The following CSMD3 variants were observed in gnomAD, a reference collection of about 807,000 sequenced individuals.
The protein encoded by CSMD3 is CUB and sushi domain-containing protein 3.
A neutral mutation model predicts 435.2 loss-of-function variants in CSMD3; 177 were observed. The ratio of observed to expected loss-of-function variants is 0.41; its 90% CI spans 0.36 to 0.46. The LOEUF is 0.46. Ranked by LOEUF, CSMD3 falls within the 20% of genes least tolerant of loss-of-function variation. The pLI, the probability that CSMD3 is intolerant of heterozygous loss-of-function variation, is 0.34. For missense variants in CSMD3, 4,265 were observed against 4,504.6 expected, an observed-to-expected ratio of 0.95 and a Z score of 1.52; for synonymous variants, 1,656 against 1,520.5, an observed-to-expected ratio of 1.09 and a Z score of -2.07.
chr8:112,462,293 A>C (rs370030166), intron 32 of CSMD3, among the ~76,000 whole-genome samples: 1 of 152,240 alleles, frequency 6.6e-6, no homozygotes, highest in Non-Finnish European at 1.5e-5. Flanking sequence ...GGTAAAATGA[A>C]GCAAAAACTA....
At chr8:112,458,153 A>T (rs1346919373) in intron 32 of CSMD3, among the ~76,000 whole-genome samples, 1 of 151,730 alleles carries the variant, frequency 6.6e-6, no homozygotes, top group South Asian at 2.1e-4. Context: ...CAGTATTTTC[A>T]TTGAGCTGCA....
rs1409615945 is a variant in CSMD3, at chr8:112,642,734, A to T, written c.3310+2375T>A. On this transcript the variant is annotated intron_variant, in intron 20 of 70. Coordinates refer to ENST00000297405, the MANE Select transcript of CSMD3 (RefSeq NM_198123.2). ...CTTGCACTGAAGATAGAAAAAAGCAATTGCATAATTATAGAATTTTAAGAA... is the reference window on the plus strand; with the variant it reads ...CTTGCACTGAAGATAGAAAAAAGCATTTGCATAATTATAGAATTTTAAGAA... 2.0e-5 allele frequency among the ~76,000 whole-genome samples: 3 copies of T among 152,140 alleles called. No individual in the cohort carries two copies. In the East Asian group the frequency reaches 5.8e-4, roughly 29 times the overall value.
chr8:113,143,098 A>G (rs1171449150), intron 4 of CSMD3, among the ~76,000 whole-genome samples: 5 of 151,182 alleles, frequency 3.3e-5, no homozygotes, highest in African/African-American at 1.2e-4. Flanking sequence ...ATATATAAAG[A>G]ACTCTCAAAA....
intron 3 of CSMD3, among the ~76,000 whole-genome samples, chr8:113,222,137 C>T (rs367803330): frequency 1.6e-4 from 24 of 151,156 alleles, no homozygotes; most frequent in Non-Finnish European, 2.8e-4. Flanking sequence ...AAACAGTTTT[C>T]TAATTTACAA....
intron 7 of CSMD3, among the ~76,000 whole-genome samples, chr8:112,965,610 A>G (rs971104575): frequency 2.0e-5 from 3 of 151,960 alleles, no homozygotes; most frequent in African/African-American, 4.8e-5. Context: ...AAATGTTAAA[A>G]TGGTTACTTG....
rs912566715 is a variant in CSMD3 at position 112,975,926 on chromosome 8, T to A, written c.1253A>T (p.His418Leu). ...PNTSKDGLSP[H>L]PADTQSTRRR... ...CCTGGTACTTTGTGTATCTGCTGGA[T>A]GAGGAGAGAGCCCGTCCTTGGACGT... Residue 418 changes from histidine (H) to leucine (L), a missense_variant, in exon 7 of 71, where the codon CAT becomes CTT. Transcript: ENST00000297405. 6.8e-6 allele frequency: 11 copies of A among 1,613,940 alleles called. No homozygotes were observed. In the Admixed American group the frequency reaches 1.2e-4, roughly 17 times the overall value.
chr8:112,768,810 C>A (rs953673570), intron 13 of CSMD3, among the ~76,000 whole-genome samples: 1 of 151,900 alleles, frequency 6.6e-6, no homozygotes, highest in African/African-American at 2.4e-5. Flanking sequence ...ACTCCTCTTT[C>A]ACCAACCATT....
intron 40 of CSMD3, among the ~76,000 whole-genome samples, chr8:112,346,688 TTTTTTTTTTG>T (rs1451701100): frequency 6.2e-5 from 5 of 80,104 alleles, no homozygotes; most frequent in East Asian, 7.6e-4. Flanking sequence ...TTTTTTTTTT[TTTTTTTTTTG>T]GAGAAGGAGT....
rs1429075878 is a variant in CSMD3 at position 113,324,376 on chromosome 8, C to T, written c.179-9583G>A. Among the ~76,000 whole-genome samples, 3 of 152,216 alleles carry T rather than the reference C, an allele frequency of 2.0e-5. 1 individual carries two copies. The highest frequency in any genetic ancestry group is 3.9e-4 in the East Asian group (2 of 5,162). ...GGGTCTCTGGGCTGTGTGCAGCCTA[C>T]GGACTTAGTGCTCTGTGTCCCAGCT... On this transcript the variant is annotated intron_variant, in intron 1 of 70. Transcript: ENST00000297405.
rs12682562 is a variant in CSMD3 at position 112,370,011 on chromosome 8, G to A, written c.6136+10341C>T. 4.5e-3 allele frequency among the ~76,000 whole-genome samples: 175 copies of A among 39,044 alleles called. 2 individuals carry two copies. Among genetic ancestry groups the A allele is most frequent in the African/African-American group, 0.019 (151 of 7,900 alleles). 25.6% of individuals were successfully genotyped at this position (39,044 alleles called of 152,430 possible). ...AGGAAGAGGAAGAAGAAGAGGAAGA[G>A]GAAGAAGAAGAGGAAGAAGAAGAAG... On this transcript the variant is annotated intron_variant, in intron 38 of 70. Transcript: ENST00000297405.
intron 59 of CSMD3, 114 bp downstream of exon 59, chr8:112,281,060 C>T (rs1818577469): frequency 1.3e-6 from 1 of 788,954 alleles, no homozygotes; most frequent in Non-Finnish European, 2.1e-6. Flanking sequence ...AAAGGCAGTA[C>T]AAACAGTTAA....
chr8:112,905,433 C>A (rs2082233973), intron 10 of CSMD3, among the ~76,000 whole-genome samples: 1 of 151,274 alleles, frequency 6.6e-6, no homozygotes, highest in African/African-American at 2.4e-5. Context: ...GCACATCTTT[C>A]AAGCAAAGAC....
chr8:112,798,874 A>AAGAAAC (rs1185750946), intron 13 of CSMD3, among the ~76,000 whole-genome samples: 1 of 151,894 alleles, frequency 6.6e-6, no homozygotes, highest in Non-Finnish European at 1.5e-5. Context: ...GGAGAAGGGG[A>AAGAAAC]AGAAACAGAA....
chr8:112,273,282 A>G (rs940920270), intron 59 of CSMD3, among the ~76,000 whole-genome samples: 1 of 72,586 alleles, frequency 1.4e-5, no homozygotes, highest in East Asian at 3.4e-4. Flanking sequence ...TATTCATTGT[A>G]AAAAAAAAAT....
intron 5 of CSMD3, among the ~76,000 whole-genome samples, chr8:113,079,036 G>A (rs1232503607): frequency 1.3e-5 from 2 of 152,022 alleles, no homozygotes; most frequent in East Asian, 1.9e-4. Context: ...TTCTCTTTGA[G>A]CAAAGATTAT....
intron 50 of CSMD3, among the ~76,000 whole-genome samples, chr8:112,306,980 T>C (rs1821482006): frequency 6.6e-6 from 1 of 151,906 alleles, no homozygotes; most frequent in Non-Finnish European, 1.5e-5. Context: ...CCCCTAAAAT[T>C]GATTTTTTAC....
At chr8:112,357,686 T>G (rs1254809303) in intron 38 of CSMD3, among the ~76,000 whole-genome samples, 1 of 152,120 alleles carries the variant, frequency 6.6e-6, no homozygotes, top group Non-Finnish European at 1.5e-5. Context: ...CCTCAAGCCT[T>G]GGCAGCTTCC....
At chr8:113,089,204 A>G (rs1026648877) in intron 5 of CSMD3, among the ~76,000 whole-genome samples, 4 of 152,078 alleles carry the variant, frequency 2.6e-5, no homozygotes, top group South Asian at 4.1e-4. Flanking sequence ...TTTTCATTCA[A>G]CATCACTCTT....
At chr8:112,377,028 T>C (rs1829007156) in intron 38 of CSMD3, among the ~76,000 whole-genome samples, 1 of 152,090 alleles carries the variant, frequency 6.6e-6, no homozygotes, top group African/African-American at 2.4e-5. Context: ...TAATCTATTT[T>C]TATGATGAAA....
Sources: gnomAD v4.1 joint callset for allele counts (sites outside exome capture counted in the v4.1 genomes callset) on GRCh38, gnomAD v4.1.1 for gene constraint, MANE v1.5 for transcripts, NCBI Gene and HGNC (gene_info 2026-07-23, HGNC 2026-07-21) for gene names.